The following KCNN2 variants were observed in gnomAD, a reference collection of about 807,000 sequenced individuals.
The protein encoded by KCNN2 is potassium calcium-activated channel subfamily N member 2.
In KCNN2, 24 loss-of-function variants were observed where a neutral mutation model predicts 55.5. The ratio of observed to expected loss-of-function variants is 0.43; its 90% CI spans 0.31 to 0.61. The LOEUF (loss-of-function observed/expected upper bound fraction) is 0.61. Ranked by LOEUF, KCNN2 falls within the 20% of genes least tolerant of loss-of-function variation. KCNN2 has a pLI of 0.08. For synonymous variants in KCNN2, 431 were observed against 336.1 expected (o/e 1.28, Z -3.09); for missense variants, 754 against 853.6 (o/e 0.88, Z 1.45).
At chr5:114,201,545 T>C (rs760330979) in intron 1 of KCNN2, among the ~76,000 whole-genome samples, 7 of 151,982 alleles carry the variant, frequency 4.6e-5, no homozygotes, top group Non-Finnish European at 7.4e-5. Flanking sequence ...GGGAGGTGAA[T>C]ATTGTACTAG....
Position 114,119,024 on chromosome 5 carries a change from A to G in KCNN2, c.-271+62524A>G, listed in dbSNP as rs1353389813. ...ATGCCAATCTCATGGGGGTGGATAT[A>G]ACAAGGAACAAGCAAAACCCCCAAA... is the stretch of plus-strand genomic sequence containing the variant. On this transcript the variant is annotated intron_variant, in intron 1 of 10. Coordinates refer to the KCNN2 transcript ENST00000512097. 2.6e-5 allele frequency among the ~76,000 whole-genome samples: 4 copies of G among 152,188 alleles called. No individual in the cohort carries two copies. The East Asian group carries it at 7.7e-4, about 29-fold the overall frequency.
chr5:114,117,584 A>G (rs2112591713), intron 1 of KCNN2, among the ~76,000 whole-genome samples: 1 of 152,314 alleles, frequency 6.6e-6, no homozygotes, highest in Non-Finnish European at 1.5e-5. Context: ...GCATGCAGAT[A>G]TGGACCCAGG....
chr5:114,478,318 A>G (rs1276131356), intron 5 of KCNN2, among the ~76,000 whole-genome samples: 1 of 152,190 alleles, frequency 6.6e-6, no homozygotes, highest in East Asian at 1.9e-4. Context: ...CCTATATGCT[A>G]TAGGTTTGAA....
intron 5 of KCNN2, among the ~76,000 whole-genome samples, chr5:114,477,836 A>AATT (rs1446697095): frequency 6.6e-6 from 1 of 152,202 alleles, no homozygotes; most frequent in African/African-American, 2.4e-5. Flanking sequence ...TATACATATT[A>AATT]ATGTCCACTG....
intron 1 of KCNN2, among the ~76,000 whole-genome samples, chr5:114,121,345 C>T (rs139334287): frequency 7.2e-5 from 11 of 152,246 alleles, no homozygotes; most frequent in Non-Finnish European, 1.0e-4. Context: ...GATTAGGCTA[C>T]GAGCATGGTG....
intron 2 of KCNN2, among the ~76,000 whole-genome samples, chr5:114,388,847 C>A (rs1337918670): frequency 2.6e-5 from 4 of 152,026 alleles, no homozygotes; most frequent in Non-Finnish European, 4.4e-5. Flanking sequence ...AGGAATATTT[C>A]TAAAATTTAG....
At chr5:114,452,486 T>TA in intron 3 of KCNN2, among the ~76,000 whole-genome samples, 1 of 152,350 alleles carries the variant, frequency 6.6e-6, no homozygotes, top group African/African-American at 2.4e-5. Flanking sequence ...TTACTATTTT[T>TA]ACTCATCTAC....
At chr5:114,123,330 T>C (rs1751861177) in intron 1 of KCNN2, among the ~76,000 whole-genome samples, 2 of 151,822 alleles carry the variant, frequency 1.3e-5, no homozygotes, top group Admixed American at 6.6e-5. Context: ...GTTCTAATAC[T>C]GTAAGAGGTA....
chr5:114,477,187 G>A (rs1762009209), intron 5 of KCNN2, among the ~76,000 whole-genome samples: 1 of 152,204 alleles, frequency 6.6e-6, no homozygotes, highest in Admixed American at 6.5e-5. Context: ...AATAGTCACA[G>A]ATGTTCTGAA....
intron 1 of KCNN2, among the ~76,000 whole-genome samples, chr5:114,085,679 A>G (rs1375071698): frequency 6.6e-6 from 1 of 152,048 alleles, no homozygotes; most frequent in African/African-American, 2.4e-5. Context: ...TAAGTTGGTA[A>G]ATGTTTCGAG....
At chr5:114,260,331 T>A (rs1382202345) in intron 2 of KCNN2, among the ~76,000 whole-genome samples, 2 of 152,344 alleles carry the variant, frequency 1.3e-5, no homozygotes, top group East Asian at 3.9e-4. Context: ...TTTGCTTACC[T>A]CTGTGACCTC....
intron 2 of KCNN2, among the ~76,000 whole-genome samples, chr5:114,380,764 C>A (rs1413578250): frequency 6.6e-6 from 1 of 151,984 alleles, no homozygotes; most frequent in Non-Finnish European, 1.5e-5. Flanking sequence ...GTTTGGGGGG[C>A]AGTTAGGGTG....
At chr5:114,359,229 T>C (rs1014328437), upstream of KCNN2, among the ~76,000 whole-genome samples, 1 of 152,210 alleles carries the variant, frequency 6.6e-6, no homozygotes, top group African/African-American at 2.4e-5. Flanking sequence ...AGTCTGAGTT[T>C]TGGTGTTCCG....
At chr5:114,125,548 C>G (rs2954362) in intron 1 of KCNN2, among the ~76,000 whole-genome samples, 10,565 of 152,202 alleles carry the variant, frequency 0.069, 1,212 homozygotes, top group African/African-American at 0.24. Context: ...AAAATCTATT[C>G]TCCCACAGTT....
chr5:114,114,216 G>A (rs1238725313), intron 1 of KCNN2, among the ~76,000 whole-genome samples: 1 of 151,962 alleles, frequency 6.6e-6, no homozygotes, highest in Non-Finnish European at 1.5e-5. Context: ...CTGCACTGGT[G>A]GAATTCACTT....
intron 2 of KCNN2, among the ~76,000 whole-genome samples, chr5:114,322,781 A>G (rs530006964): frequency 6.6e-6 from 1 of 152,312 alleles, no homozygotes; most frequent in East Asian, 1.9e-4. Context: ...TTTTGATGGT[A>G]ATATATTTTA....
At chr5:114,083,479 A>C (rs774224097) in intron 1 of KCNN2, among the ~76,000 whole-genome samples, 30 of 152,018 alleles carry the variant, frequency 2.0e-4, no homozygotes, top group Non-Finnish European at 3.7e-4. Flanking sequence ...ATATTTTCTA[A>C]TTTTCCTTAT....
chr5:114,394,975 G>A (rs1420731278), intron 2 of KCNN2, among the ~76,000 whole-genome samples: 1 of 152,042 alleles, frequency 6.6e-6, no homozygotes, highest in Non-Finnish European at 1.5e-5. Context: ...ACAAATATAT[G>A]ACTAAAATTA....
At chr5:114,397,803 A>G (rs1464704503) in intron 2 of KCNN2, among the ~76,000 whole-genome samples, 1 of 152,124 alleles carries the variant, frequency 6.6e-6, no homozygotes, top group Admixed American at 6.5e-5. Context: ...ACATTTTTTC[A>G]TATGCTTGTT....
Sources: gnomAD v4.1 joint callset for allele counts (sites outside exome capture counted in the v4.1 genomes callset) on GRCh38, gnomAD v4.1.1 for gene constraint, MANE v1.5 for transcripts, NCBI Gene and HGNC (gene_info 2026-07-23, HGNC 2026-07-21) for gene names.